Variants in ZNF816 observed in about 807,000 individuals in gnomAD.
ZNF816 encodes zinc finger protein 816, also known as zinc finger protein 816A.
In ZNF816, 11 loss-of-function variants were observed where a neutral mutation model predicts 8.3. That is an observed-to-expected ratio of 1.32 (90% CI 0.83 to 2.19). ZNF816 has a LOEUF of 2.19. ZNF816 is among the 30% of genes most tolerant of loss of function. ZNF816 has a pLI of 0.00. For synonymous variants in ZNF816, 255 were observed against 254.5 expected (o/e 1.00, Z -0.02); for missense variants, 710 against 779.3 (o/e 0.91, Z 1.06).
rs534106008 is a variant in ZNF816 at position 52,951,011 on chromosome 19, C to T, written c.764G>A (p.Arg255Lys). Residue 255 changes from arginine (R) to lysine (K), a missense_variant, in exon 4 of 4, where the codon AGA becomes AAA. Physicochemically the swap from Arg to Lys is conservative, Grantham distance 26. Transcript: ENST00000444460. ...GCCACATACATCACATTTATATTCT[C>T]TCTCTCTTGAATGGGTTATGTGGTG... is the stretch of plus-strand genomic sequence containing the variant. ...RRHHITHSRE[R>K]EYKCDVCGKI... 220 of 1,614,110 alleles carry T rather than the reference C, an allele frequency of 1.4e-4. 1 individual carries two copies. The South Asian group carries it at 1.7e-3, about 13-fold the overall frequency.
rs1003219210 is a variant in ZNF816 at position 52,957,353 on chromosome 19, A to G, written c.-15-1249T>C. On this transcript the variant is annotated intron_variant, in intron 1 of 3. Transcript: ENST00000444460. The surrounding 1 kb of genome is among the most constrained non-coding windows in gnomAD (Gnocchi z 4.6). ...ATTCTGAGAGTGCTACCAGGTAGGC[A>G]TGTGCCCCAGAAAGATACTTAGCCT... Among the ~76,000 whole-genome samples, 2 of 152,270 alleles carry G rather than the reference A, an allele frequency of 1.3e-5. No individual in the cohort carries two copies. Among genetic ancestry groups the G allele is most frequent in the South Asian group, 4.2e-4 (2 of 4,818 alleles).
chr19:52,956,227 C>T (rs1402029430), intron 1 of ZNF816, 123 bp from the exon 2 acceptor site: 1 of 1,088,890 alleles, frequency 9.2e-7, no homozygotes, highest in Non-Finnish European at 1.3e-6. Context: ...CCCACTGCAC[C>T]AGAGACCATG....
intron 2 of ZNF816, among the ~76,000 whole-genome samples, chr19:52,954,541 T>G (rs1213644773): frequency 6.6e-6 from 1 of 151,494 alleles, no homozygotes; most frequent in African/African-American, 2.4e-5. Flanking sequence ...CAAACATTCA[T>G]CAGACCGGGA....
chr19:52,950,528 CTA>C lies in ZNF816; in HGVS notation c.1245_1246del (p.His415GlnfsTer13), dbSNP rs754264080. On this transcript the variant is annotated frameshift_variant, in exon 4 of 4. Coordinates refer to ENST00000444460, the MANE Select transcript of ZNF816 (RefSeq NM_001202457.3). LOFTEE classifies it low-confidence loss of function (END_TRUNC). ...TGATCCCTCTCCAGTATGAATCTTC[CTA>C]TGTCTTTCAAGGTGTGATCTGCGAA... is the stretch of plus-strand genomic sequence containing the variant. The C allele has an allele frequency of 1.6e-5, 26 of 1,613,152 alleles. No individual in the cohort carries two copies. The highest frequency in any genetic ancestry group is 3.3e-4 in the Middle Eastern group (2 of 6,080).
At chr19:52,953,953 A>G (rs1010064335) in intron 2 of ZNF816, among the ~76,000 whole-genome samples, 3 of 147,226 alleles carry the variant, frequency 2.0e-5, no homozygotes, top group Non-Finnish European at 3.0e-5. Context: ...AAACAGGAAA[A>G]TCGCCTGAAC....
chr19:52,953,465 T>TATATC (rs1555745099), intron 2 of ZNF816: 1 of 44,728 alleles, frequency 2.2e-5, no homozygotes, highest in African/African-American at 4.5e-4. Flanking sequence ...TATACTTATA[T>TATATC]ATATTATATA....
intron 2 of ZNF816, chr19:52,953,462 A>G (rs1452002845): frequency 2.2e-5 from 2 of 92,538 alleles, no homozygotes; most frequent in Non-Finnish European, 3.7e-5. Context: ...ATATATACTT[A>G]TATATATTAT....
rs2083442685 is a variant in ZNF816 at position 52,950,194 on chromosome 19, A to G, written c.1581T>C (p.His527=). The G allele has an allele frequency of 1.2e-6, 2 of 1,613,814 alleles. No homozygotes were observed. Among genetic ancestry groups the G allele is most frequent in the African/African-American group, 1.3e-5 (1 of 74,822 alleles). ...GTTTTTCCCCAGTATGAATTCTCCT[A>G]TGTCTTTCAAGGTGTGATCTGCGAC... The part of the protein sequence containing the change: ...VFSRRSHLER[H]RRIHTGEKPY... Residue 527 remains histidine (H), a synonymous_variant, in exon 4 of 4, where the codon CAT becomes CAC. Transcript: ENST00000444460.
At chr19:52,952,554 GTTT>G (rs763172420) in intron 3 of ZNF816, 194 bp downstream of exon 3, 2 of 1,004,694 alleles carry the variant, frequency 2.0e-6, no homozygotes, top group Non-Finnish European at 2.8e-6. Flanking sequence ...TGAATTTTCT[GTTT>G]TTATGTAAAA....
intron 3 of ZNF816, chr19:52,952,409 G>A (rs2083467322): frequency 2.4e-6 from 1 of 420,600 alleles, no homozygotes; most frequent in South Asian, 6.7e-5. Context: ...CACAAGCACA[G>A]CTGGAAACAC....
chr19:52,953,826 G>T (rs1209295877), intron 2 of ZNF816, among the ~76,000 whole-genome samples: 2 of 147,568 alleles, frequency 1.4e-5, no homozygotes, highest in Non-Finnish European at 3.0e-5. Flanking sequence ...GATCACTTAA[G>T]GTCAGGAGTT....
intron 1 of ZNF816, chr19:52,956,380 C>T: frequency 3.4e-6 from 1 of 291,414 alleles, no homozygotes; most frequent in Admixed American, 4.9e-5. Context: ...TAACCAAACT[C>T]CATGCAGAGC....
In ZNF816 at chr19:52,950,830, A is replaced by G. The variant is rs775228956; in HGVS notation, c.945T>C (p.Cys315=). The change falls in exon 4 of 4, where the codon TGT becomes TGC. Residue 315 remains cysteine, a synonymous_variant. Coordinates refer to ENST00000444460, the MANE Select transcript of ZNF816 (RefSeq NM_001202457.3). ...CACTGAAGGTCTTGCCACACTCATTACACTTGTAAGGTTTCTCTCCAGTAT... is the reference window on the plus strand; with the variant it reads ...CACTGAAGGTCTTGCCACACTCATTGCACTTGTAAGGTTTCTCTCCAGTAT... ...RLHTGEKPYK[C]NECGKTFSEK... 2 of 1,614,028 alleles carry G rather than the reference A, an allele frequency of 1.2e-6. No individual in the cohort carries two copies. Among genetic ancestry groups the G allele is most frequent in the Non-Finnish European group, 1.7e-6 (2 of 1,180,054 alleles).
intron 3 of ZNF816, 47 bp from the exon 4 acceptor site, chr19:52,951,631 AAAT>A (rs766951605): frequency 1.4e-6 from 2 of 1,461,248 alleles, no homozygotes; most frequent in East Asian, 4.6e-5. Context: ...TACAGATGGT[AAAT>A]AATAGTTGAT....
chr19:52,951,206 G>A lies in ZNF816; in HGVS notation c.569C>T (p.Ser190Leu). 1 of 1,567,974 alleles carries A rather than the reference G, an allele frequency of 6.4e-7. No homozygotes were observed. Among genetic ancestry groups the A allele is most frequent in the Non-Finnish European group, 8.5e-7 (1 of 1,170,006 alleles). ...CCTACAAGAAATTCTTTGGGATTCTGAAGCTGAGGAAGCACCGATAGACTT... is the reference window on the plus strand; with the variant it reads ...CCTACAAGAAATTCTTTGGGATTCTAAAGCTGAGGAAGCACCGATAGACTT... ...LDKSIGASSA[S>L]ESQRISCRLK... is the part of the protein sequence containing the mutation. Residue 190 changes from serine to leucine, a missense_variant, in exon 4 of 4, where the codon TCA becomes TTA. Transcript: ENST00000444460.
At position 52,950,327 on chromosome 19, in the gene ZNF816, C is replaced by A; in HGVS notation, c.1448G>T (p.Cys483Phe). 6.2e-7 allele frequency: 1 copy of A among 1,613,922 alleles called. No homozygotes were observed. The highest frequency in any genetic ancestry group is 8.5e-7 in the Non-Finnish European group (1 of 1,179,966). Residue 483 changes from cysteine (C) to phenylalanine (F), a missense_variant, in exon 4 of 4, where the codon TGT (cysteine) becomes TTT (phenylalanine). Transcript: ENST00000444460. ...TLHTGEKPYTCNECGKVFSRR... is the reference protein window; with the variant it reads ...TLHTGEKPYTFNECGKVFSRR... ...ACTAAAAACCTTGCCACATTCATTA[C>A]ATGTGTAAGGTTTCTCTCCAGTGTG...
In ZNF816 at chr19:52,957,189, G is replaced by A. The variant is rs192499404; in HGVS notation, c.-15-1085C>T. Among the ~76,000 whole-genome samples, 3 of 152,188 alleles carry A rather than the reference G, an allele frequency of 2.0e-5. No homozygotes were observed. Among genetic ancestry groups the A allele is most frequent in the South Asian group, 2.1e-4 (1 of 4,826 alleles). On this transcript the variant is annotated intron_variant, in intron 1 of 3. Transcript: ENST00000444460. The surrounding 1 kb of genome is among the most constrained non-coding windows in gnomAD (Gnocchi z 4.6). ...CCGTTGTCTGAGAGGTACTGTCTGC[G>A]GCTCGTCATGCTACATTTCTTGGTT...
At position 52,950,051 on chromosome 19, in the gene ZNF816, T is replaced by C; in HGVS notation, c.1724A>G (p.Asn575Ser). 1 of 1,613,746 alleles carries C rather than the reference T, an allele frequency of 6.2e-7. No homozygotes were observed. The highest frequency in any genetic ancestry group is 2.2e-5 in the East Asian group (1 of 44,822). Residue 575 changes from asparagine (N) to serine (S), a missense_variant, in exon 4 of 4, where the codon AAT becomes AGT. Asn to Ser is a conservative substitution (Grantham distance 46, BLOSUM62 1). Coordinates refer to ENST00000444460, the MANE Select transcript of ZNF816 (RefSeq NM_001202457.3). ...YKCNKCAKVFNQKGILAQHQR... is the reference protein window; with the variant it reads ...YKCNKCAKVFSQKGILAQHQR... ...ATGTTGTGCAAGGATTCCTTTTTGA[T>C]TAAAAACCTTCGCACATTTATTACA...
intron 2 of ZNF816, among the ~76,000 whole-genome samples, chr19:52,954,036 TTCTC>T (rs2083488587): frequency 1.2e-5 from 1 of 86,678 alleles, no homozygotes; most frequent in Non-Finnish European, 2.1e-5. Flanking sequence ...CTGAGACTCT[TTCTC>T]AAAAAAAAAA....
Sources: gnomAD v4.1 joint callset for allele counts (sites outside exome capture counted in the v4.1 genomes callset) on GRCh38, gnomAD v4.1.1 for gene constraint, Gnocchi (gnomAD v3.1) non-coding constraint, MANE v1.5 for transcripts, NCBI Gene and HGNC (gene_info 2026-07-23, HGNC 2026-07-21) for gene names.